PRR16: variants seen among roughly 807,000 people sequenced by gnomAD.
PRR16 encodes the protein proline rich 16.
Under a neutral mutation model 18.2 loss-of-function variants are expected in PRR16, and 6 were observed. The observed-to-expected ratio is 0.33, with a 90% CI of 0.18 to 0.65. PRR16 has a LOEUF of 0.65. PRR16 is among the 30% of genes least tolerant of loss of function. The probability of loss-of-function intolerance (pLI) is 0.74; values close to 1 mark genes in which losing one functional copy is unlikely to be tolerated. For synonymous variants in PRR16, 151 were observed against 147.8 expected, an observed-to-expected ratio of 1.02 and a Z score of -0.16; for missense variants, 412 against 376.6, an observed-to-expected ratio of 1.09 and a Z score of -0.78.
intron 1 of PRR16, among the ~76,000 whole-genome samples, chr5:120,480,915 T>C (rs1749589352): frequency 6.6e-6 from 1 of 152,170 alleles, no homozygotes; most frequent in South Asian, 2.1e-4. Context: ...GCAATTATAA[T>C]ATTAAATATT....
chr5:120,661,365 T>C (rs1261780038), intron 1 of PRR16, among the ~76,000 whole-genome samples: 1 of 152,102 alleles, frequency 6.6e-6, no homozygotes, highest in African/African-American at 2.4e-5. Flanking sequence ...GAATTGCTCC[T>C]TTTGCTTGGT....
chr5:120,588,373 A>G (rs1321630207), intron 1 of PRR16, among the ~76,000 whole-genome samples: 3 of 152,174 alleles, frequency 2.0e-5, no homozygotes, highest in Non-Finnish European at 4.4e-5. Context: ...TGTGAAAGCA[A>G]GAGTCCATTC....
At chr5:120,651,976 A>C (rs9327159) in intron 1 of PRR16, among the ~76,000 whole-genome samples, 137,802 of 152,004 alleles carry the variant, frequency 0.91, 63,830 homozygotes, top group East Asian at 1. Context: ...GAATGTTCTT[A>C]CATTTCTTTG....
At chr5:120,508,021 T>C (rs73264192) in intron 1 of PRR16, among the ~76,000 whole-genome samples, 1,987 of 152,210 alleles carry the variant, frequency 0.013, 16 homozygotes, top group Middle Eastern at 0.11. Flanking sequence ...TAAATAACTA[T>C]ATTTCTCAAC....
chr5:120,718,946 G>A, the PRR16 span, among the ~76,000 whole-genome samples: 1 of 151,982 alleles, frequency 6.6e-6, no homozygotes, highest in African/African-American at 2.4e-5. Flanking sequence ...CTGAAGAAGG[G>A]GCATGTAATT....
At chr5:120,704,653 C>T in the PRR16 span, among the ~76,000 whole-genome samples, 1 of 152,154 alleles carries the variant, frequency 6.6e-6, no homozygotes, top group Admixed American at 6.5e-5. Context: ...GCTTCACACC[C>T]TGATCCCCAA....
chr5:120,788,917 T>G, the PRR16 span, among the ~76,000 whole-genome samples: 9 of 152,132 alleles, frequency 5.9e-5, no homozygotes, highest in South Asian at 1.9e-3. Context: ...GGTAACATAA[T>G]GAAAATTATC....
intron 1 of PRR16, among the ~76,000 whole-genome samples, chr5:120,473,969 C>G (rs1279519162): frequency 6.6e-6 from 1 of 152,054 alleles, no homozygotes; most frequent in Non-Finnish European, 1.5e-5. Context: ...AAGGAGCAAG[C>G]AGTAAGGAAA....
At chr5:120,507,070 T>C (rs907847992) in intron 1 of PRR16, among the ~76,000 whole-genome samples, 2 of 152,112 alleles carry the variant, frequency 1.3e-5, no homozygotes, top group Non-Finnish European at 2.9e-5. Flanking sequence ...AGAAATACAA[T>C]AGGAGAAATC....
chr5:120,760,156 G>T, the PRR16 span, among the ~76,000 whole-genome samples: 1 of 152,214 alleles, frequency 6.6e-6, no homozygotes, highest in East Asian at 1.9e-4. Flanking sequence ...CAAATGAATG[G>T]TGGATGATTG....
At chr5:120,656,093 T>G (rs1249044802) in intron 1 of PRR16, among the ~76,000 whole-genome samples, 2 of 151,830 alleles carry the variant, frequency 1.3e-5, no homozygotes, top group East Asian at 3.9e-4. Flanking sequence ...CCAAACCCCC[T>G]AACTGCTTGG....
At chr5:120,500,422 T>C (rs1037898498) in intron 1 of PRR16, among the ~76,000 whole-genome samples, 5 of 152,228 alleles carry the variant, frequency 3.3e-5, no homozygotes, top group Admixed American at 2.0e-4. Flanking sequence ...GGGTTTTTAG[T>C]TGTACTTTGT....
chr5:120,574,280 A>C (rs148930189), intron 1 of PRR16, among the ~76,000 whole-genome samples: 162 of 152,272 alleles, frequency 1.1e-3, no homozygotes, highest in African/African-American at 3.7e-3. Context: ...TATACAAAAA[A>C]TATACAAAAG....
At chr5:120,494,613 T>C (rs565532484) in intron 1 of PRR16, among the ~76,000 whole-genome samples, 124 of 152,292 alleles carry the variant, frequency 8.1e-4, no homozygotes, top group Non-Finnish European at 1.6e-3. Flanking sequence ...GTTTTAAATT[T>C]AATGAAGTTC....
the PRR16 span, among the ~76,000 whole-genome samples, chr5:120,761,060 GTT>G: frequency 1.3e-5 from 2 of 151,838 alleles, no homozygotes; most frequent in African/African-American, 4.8e-5. Flanking sequence ...AATATTAAGT[GTT>G]AACATTTCTA....
intron 1 of PRR16, among the ~76,000 whole-genome samples, chr5:120,632,167 C>G (rs1047012452): frequency 1.3e-5 from 2 of 152,132 alleles, no homozygotes; most frequent in Non-Finnish European, 2.9e-5. Flanking sequence ...TTAAGAAGCC[C>G]CATTCCTAGG....
At chr5:120,720,777 T>G in the PRR16 span, among the ~76,000 whole-genome samples, 1 of 151,988 alleles carries the variant, frequency 6.6e-6, no homozygotes, top group Non-Finnish European at 1.5e-5. Context: ...TCTCAAAGTG[T>G]GTCTTGAACA....
chr5:120,735,822 A>G, the PRR16 span, among the ~76,000 whole-genome samples: 1 of 152,120 alleles, frequency 6.6e-6, no homozygotes, highest in South Asian at 2.1e-4. Flanking sequence ...AAGCTTTTAA[A>G]TTTGATATAG....
intron 1 of PRR16, among the ~76,000 whole-genome samples, chr5:120,659,921 T>C (rs1051848523): frequency 1.3e-5 from 2 of 152,040 alleles, no homozygotes; most frequent in African/African-American, 4.8e-5. Flanking sequence ...AGCAGGTTGC[T>C]GAAGTACCTG....
Sources: gnomAD v4.1 joint callset for allele counts (sites outside exome capture counted in the v4.1 genomes callset) on GRCh38, gnomAD v4.1.1 for gene constraint, MANE v1.5 for transcripts, NCBI Gene and HGNC (gene_info 2026-07-23, HGNC 2026-07-21) for gene names.